Variants in MGAT1 observed in about 807,000 individuals in gnomAD.
MGAT1 encodes alpha-1,3-mannosyl-glycoprotein 2-beta-N-acetylglucosaminyltransferase, also known as N-glycosyl-oligosaccharide-glycoprotein N-acetylglucosaminyltransferase I.
In MGAT1, 14 loss-of-function variants were observed where a neutral mutation model predicts 31.7. That is an observed-to-expected ratio of 0.44 (90% confidence interval 0.29 to 0.69). MGAT1 has a LOEUF of 0.69. Ranked by LOEUF, MGAT1 falls within the 30% of genes least tolerant of loss-of-function variation. MGAT1 has a pLI of 0.12. For synonymous variants in MGAT1, 338 were observed against 276.0 expected (o/e 1.22, Z -2.23); for missense variants, 557 against 626.0 (o/e 0.89, Z 1.18).
chr5:180,788,674 G>A lies in MGAT1; in HGVS notation c.*2960C>T, dbSNP rs1561803900. ...TTATCCTGGAGCACTAAGTAAGTTGGTACTTATCCTGGAGCACTAAGTAAG... is the reference window on the plus strand; with the variant it reads ...TTATCCTGGAGCACTAAGTAAGTTGATACTTATCCTGGAGCACTAAGTAAG... On this transcript the variant is annotated 3_prime_UTR_variant, in exon 2 of 2. Transcript: ENST00000307826. 1.3e-5 allele frequency: 2 copies of A among 150,924 alleles called. No individual in the cohort carries two copies. Among genetic ancestry groups the A allele is most frequent in the Non-Finnish European group, 3.0e-5 (2 of 67,778 alleles). The allele number at this position is 150,924 out of a possible 1,614,324, so 9.3% of individuals were successfully genotyped here.
In MGAT1 at chr5:180,792,231, C is replaced by T; in HGVS notation, c.741G>A (p.Glu247=). 2 of 1,613,136 alleles carry T rather than the reference C, an allele frequency of 1.2e-6. No homozygotes were observed. The highest frequency in any genetic ancestry group is 8.5e-7 in the Non-Finnish European group (1 of 1,180,002). Residue 247 remains glutamate (E), a synonymous_variant, in exon 2 of 2, where the codon GAG becomes GAA. Coordinates refer to ENST00000307826, the MANE Select transcript of MGAT1 (RefSeq NM_002406.4). The part of the protein sequence containing the change: ...CVSAWNDNGK[E]QMVDASRPEL... ...CAGGCCTGCTGGCGTCCACCATCTG[C>T]TCCTTGCCGTTGTCATTCCAGGCCG... is the stretch of plus-strand genomic sequence containing the variant.
Position 180,785,180 on chromosome 5 carries a change from G to A in MGAT1, c.*6454C>T, listed in dbSNP as rs1036875522. 6.6e-6 allele frequency: 1 copy of A among 152,226 alleles called. No individual in the cohort carries two copies. Among genetic ancestry groups the A allele is most frequent in the Admixed American group, 6.5e-5 (1 of 15,276 alleles). The allele number at this position is 152,226 out of a possible 1,614,324, so 9.4% of individuals were successfully genotyped here. ...ACACTGCTCCCCACCCTTGGATGCT[G>A]ATGAGTAAATGTTTTAAAATTCTAT... On this transcript the variant is annotated 3_prime_UTR_variant, in exon 2 of 2. Transcript: ENST00000307826.
Position 180,791,885 on chromosome 5 carries a change from A to C in MGAT1, c.1087T>G (p.Tyr363Asp), listed in dbSNP as rs1768179115. ...AYDRDFLARV[Y>D]GAPQLQVEKV... ...TCCACCTGCAGCTGGGGAGCACCGT[A>C]GACGCGGGCGAGGAAATCTCGGTCA... The change falls in exon 2 of 2, where the codon TAC becomes GAC. Residue 363 changes from tyrosine to aspartate, a missense_variant. Around this residue, in one of 3 missense-constraint regions of MGAT1, gnomAD observed 145 missense variants for 143.2 expected, o/e 1.01. Coordinates refer to ENST00000307826, the MANE Select transcript of MGAT1 (RefSeq NM_002406.4). 1 of 1,614,086 alleles carries C rather than the reference A, an allele frequency of 6.2e-7. No individual in the cohort carries two copies.
chr5:180,800,667 TACTC>T (rs76651378), intron 1 of MGAT1, among the ~76,000 whole-genome samples: 18,818 of 152,100 alleles, frequency 0.12, 1,224 homozygotes, highest in East Asian at 0.24. Context: ...AGGTCTGTCT[TACTC>T]ACTGGTCAAG....
chr5:180,814,604 C>A (rs773558206), intron 1 of MGAT1, among the ~76,000 whole-genome samples: 174 of 152,298 alleles, frequency 1.1e-3, no homozygotes, highest in Non-Finnish European at 2.0e-3. Flanking sequence ...GTATCCACTC[C>A]ATGTCAAAGA....
chr5:180,814,958 A>G (rs757198426), intron 1 of MGAT1, among the ~76,000 whole-genome samples: 32 of 151,552 alleles, frequency 2.1e-4, no homozygotes, highest in Non-Finnish European at 4.1e-4. Flanking sequence ...AAAAAAAATT[A>G]AAAATTAAAA....
intron 1 of MGAT1, chr5:180,795,743 C>T (rs1220968199): frequency 6.6e-6 from 1 of 152,210 alleles, no homozygotes; most frequent in African/African-American, 2.4e-5. Context: ...TTGCCCATAG[C>T]TCTGAAGAGC....
At position 180,788,218 on chromosome 5, in the gene MGAT1, T is replaced by C. The variant is rs1374775174; in HGVS notation, c.*3416A>G. On this transcript the variant is annotated 3_prime_UTR_variant, in exon 2 of 2. Coordinates refer to ENST00000307826, the MANE Select transcript of MGAT1 (RefSeq NM_002406.4). Reference sequence around the variant, plus strand: ...CGCATGCCACCTGAGCAAGCCTTGATGGGTGAATACCAGGAGACCCCTGAA... The same window carrying C: ...CGCATGCCACCTGAGCAAGCCTTGACGGGTGAATACCAGGAGACCCCTGAA... 6.6e-6 allele frequency: 1 copy of C among 152,396 alleles called. No homozygotes were observed. Among genetic ancestry groups the C allele is most frequent in the Non-Finnish European group, 1.5e-5 (1 of 68,166 alleles). The allele number at this position is 152,396 out of a possible 1,614,324, so 9.4% of individuals were successfully genotyped here.
chr5:180,801,021 A>G (rs1277624450), intron 1 of MGAT1, among the ~76,000 whole-genome samples: 2 of 152,244 alleles, frequency 1.3e-5, no homozygotes, highest in African/African-American at 4.8e-5. Context: ...GTGGGAGATG[A>G]GAAGTGAGTC....
At chr5:180,800,332 T>C (rs72819829) in intron 1 of MGAT1, among the ~76,000 whole-genome samples, 2,081 of 152,358 alleles carry the variant, frequency 0.014, 27 homozygotes, top group Non-Finnish European at 0.022. Flanking sequence ...TAGTTATCAC[T>C]TACTCCTCAC....
At chr5:180,803,174 G>A (rs1771278564), upstream of MGAT1, 1 of 152,796 alleles carries the variant, frequency 6.5e-6, no homozygotes, top group Non-Finnish European at 1.5e-5. Context: ...CCAAGGGCTG[G>A]GAGCCAGTCC....
rs1561863450 is a variant in MGAT1 at position 180,802,694 on chromosome 5, G to C, written c.-141C>G. On this transcript the variant is annotated 5_prime_UTR_variant, in exon 1 of 2. Transcript: ENST00000307826. ...CACCTACTCACCAGGTCCTCCCGAC[G>C]TCCTGGCCCCGAACTTGGCCTGCTC... 1 of 152,208 alleles carries C rather than the reference G, an allele frequency of 6.6e-6. No individual in the cohort carries two copies. Among genetic ancestry groups the C allele is most frequent in the Non-Finnish European group, 1.5e-5 (1 of 68,082 alleles). The allele number at this position is 152,208 out of a possible 1,614,324, so 9.4% of individuals were successfully genotyped here. A position where few individuals can be genotyped will look rare whatever the true frequency, so the allele number is the denominator to read the frequency against.
intron 1 of MGAT1, among the ~76,000 whole-genome samples, chr5:180,813,848 G>T (rs796195186): frequency 4.6e-5 from 7 of 152,254 alleles, no homozygotes; most frequent in African/African-American, 1.7e-4. Context: ...GAACCTAATT[G>T]CAAGGGAGTT....
rs1345184096 is a variant in MGAT1 at position 180,791,768 on chromosome 5, C to G, written c.1204G>C (p.Gly402Arg). ...DSFKAFAKAL[G>R]VMDDLKSGVP... Reference sequence around the variant, plus strand: ...CCCGACTTAAGGTCATCCATGACACCCAGAGCCTTGGCGAAAGCCTTGAAG... The same window carrying G: ...CCCGACTTAAGGTCATCCATGACACGCAGAGCCTTGGCGAAAGCCTTGAAG... The change falls in exon 2 of 2, where the codon GGT becomes CGT. Residue 402 changes from glycine to arginine, a missense_variant. Coordinates refer to ENST00000307826, the MANE Select transcript of MGAT1 (RefSeq NM_002406.4). 1.2e-6 allele frequency: 2 copies of G among 1,614,224 alleles called. No homozygotes were observed. The highest frequency in any genetic ancestry group is 1.3e-5 in the African/African-American group (1 of 75,052).
chr5:180,813,758 C>T (rs1401029066), intron 1 of MGAT1, among the ~76,000 whole-genome samples: 6 of 152,206 alleles, frequency 3.9e-5, no homozygotes, highest in Non-Finnish European at 5.9e-5. Context: ...GGAAGCCTCG[C>T]ATCTCCATCA....
chr5:180,794,682 G>A (rs942525118), intron 1 of MGAT1, among the ~76,000 whole-genome samples: 15 of 148,884 alleles, frequency 1.0e-4, no homozygotes, highest in African/African-American at 3.7e-4. Context: ...GATCCCCTGT[G>A]TGGTGGTGCT....
chr5:180,806,869 CCT>C (rs144245571), upstream of MGAT1, among the ~76,000 whole-genome samples: 1,138 of 152,336 alleles, frequency 7.5e-3, 15 homozygotes, highest in African/African-American at 0.026. Context: ...CACTGTGACC[CCT>C]GTGTCTAAGC....
chr5:180,811,860 C>T lies in MGAT1; in HGVS notation c.-545-2794G>A, dbSNP rs534086925. Among the ~76,000 whole-genome samples, 4 of 152,354 alleles carry T rather than the reference C, an allele frequency of 2.6e-5. No individual in the cohort carries two copies. The South Asian group carries it at 8.3e-4, about 32-fold the overall frequency. On this transcript the variant is annotated intron_variant, in intron 1 of 2. Transcript: ENST00000333055. ...CCCCTTCCTCTGTTAGCTGCATTGG[C>T]CTCTGCACCGGCTGTTGTCTATTTG... is the stretch of plus-strand genomic sequence containing the variant.
At chr5:180,807,196 T>C (rs547489157), upstream of MGAT1, among the ~76,000 whole-genome samples, 164 of 152,290 alleles carry the variant, frequency 1.1e-3, 1 homozygote, top group Non-Finnish European at 1.5e-3. Context: ...CTGTCACCCA[T>C]CCTCAAGGAA....
Sources: gnomAD v4.1 joint callset for allele counts (sites outside exome capture counted in the v4.1 genomes callset) on GRCh38, gnomAD v4.1.1 for gene constraint, gnomAD v4.1.1 regional missense constraint, MANE v1.5 for transcripts, NCBI Gene and HGNC (gene_info 2026-07-23, HGNC 2026-07-21) for gene names.